Variants in IFT27 observed in about 807,000 individuals in gnomAD.
The protein encoded by IFT27 is intraflagellar transport protein 27 homolog.
IFT27 carries 19 observed loss-of-function variants against 23.9 expected under a neutral mutation model. The ratio of observed to expected loss-of-function variants is 0.79; its 90% CI spans 0.55 to 1.16. The LOEUF is 1.16. Among genes scored for constraint, IFT27 ranks in the 50% most tolerant of loss-of-function variants. The probability of loss-of-function intolerance (pLI) is 0.00; values close to 1 mark genes in which losing one functional copy is unlikely to be tolerated. For missense variants in IFT27, 206 were observed against 228.7 expected (o/e 0.90, Z 0.64); for synonymous variants, 91 against 89.1 (o/e 1.02, Z -0.12).
chr22:36,763,455 A>G, intron 5 of IFT27: 1 of 268,830 alleles, frequency 3.7e-6, no homozygotes, highest in South Asian at 4.7e-5. Context: ...GCTGCAGCTA[A>G]TTTTTGAGCC....
At chr22:36,765,661 G>A (rs1036824491) in intron 4 of IFT27, among the ~76,000 whole-genome samples, 4 of 152,166 alleles carry the variant, frequency 2.6e-5, no homozygotes, top group Admixed American at 6.5e-5. Context: ...CTGGTGGGAC[G>A]GGGGTGGATG....
chr22:36,768,051 C>T, intron 1 of IFT27, 189 bp from the exon 2 acceptor site: 2 of 698,690 alleles, frequency 2.9e-6, no homozygotes, highest in Non-Finnish European at 2.7e-6. Context: ...GCAAACCTCA[C>T]AACAGCCAGA....
At chr22:36,773,697 A>G (rs1938437907) in intron 1 of IFT27, among the ~76,000 whole-genome samples, 1 of 151,374 alleles carries the variant, frequency 6.6e-6, no homozygotes, top group Non-Finnish European at 1.5e-5. Context: ...GAGGAGCACT[A>G]CTTGAGGACA....
chr22:36,769,462 C>A (rs1017678283), intron 1 of IFT27, among the ~76,000 whole-genome samples: 19 of 152,206 alleles, frequency 1.2e-4, no homozygotes, highest in Non-Finnish European at 2.6e-4. Flanking sequence ...TCAAGTGATT[C>A]TCCTGCCTTA....
intron 1 of IFT27, among the ~76,000 whole-genome samples, chr22:36,773,866 A>C (rs1258695213): frequency 6.6e-6 from 1 of 152,160 alleles, no homozygotes; most frequent in Non-Finnish European, 1.5e-5. Flanking sequence ...TGCCAATCCC[A>C]CAGGGTTGCT....
Position 36,758,238 on chromosome 22 carries a change from CCA to C in IFT27, c.*71_*72del. On this transcript the variant is annotated 3_prime_UTR_variant, in exon 7 of 7. Coordinates refer to ENST00000433985, the MANE Select transcript of IFT27 (RefSeq NM_001177701.3). ...CATTTTCTCCTAATTTTATTTAAAG[CCA>C]TCATTATATATTAAAAGAGCAGAGG... is the stretch of plus-strand genomic sequence containing the variant. 8.4e-7 allele frequency: 1 copy of C among 1,194,500 alleles called. No homozygotes were observed. Among genetic ancestry groups the C allele is most frequent in the Non-Finnish European group, 1.2e-6 (1 of 803,930 alleles). 74.0% of individuals were successfully genotyped at this position (1,194,500 alleles called of 1,614,324 possible).
chr22:36,758,459 G>A, intron 6 of IFT27, 50 bp from the exon 7 acceptor site: 2 of 1,378,464 alleles, frequency 1.5e-6, no homozygotes, highest in South Asian at 1.2e-5. Context: ...AAGGGTCAGA[G>A]GGCCAGCTCT....
intron 1 of IFT27, among the ~76,000 whole-genome samples, chr22:36,775,248 G>A (rs1938474783): frequency 2.7e-5 from 2 of 75,106 alleles, no homozygotes; most frequent in Admixed American, 1.2e-4. Context: ...ATCAGAGGGG[G>A]TGAGGTCGGG....
chr22:36,761,700 C>G (rs1344346528), intron 6 of IFT27: 2 of 152,202 alleles, frequency 1.3e-5, no homozygotes, highest in Non-Finnish European at 2.9e-5. Flanking sequence ...GGTGAAATAA[C>G]ATGTCCAGGT....
intron 1 of IFT27, among the ~76,000 whole-genome samples, chr22:36,769,835 G>T (rs1347329044): frequency 2.0e-5 from 3 of 152,062 alleles, no homozygotes; most frequent in Non-Finnish European, 4.4e-5. Flanking sequence ...GCTGGAAGTT[G>T]GCTCCTCCTG....
At chr22:36,764,152 C>T (rs1348228667) in intron 4 of IFT27, 116 bp from the exon 5 acceptor site, 29 of 721,670 alleles carry the variant, frequency 4.0e-5, no homozygotes, top group South Asian at 6.5e-5. Flanking sequence ...AAACAAGAAA[C>T]GAAAACAGCC....
At chr22:36,766,443 A>G (rs1011747429) in intron 3 of IFT27, 3 of 509,220 alleles carry the variant, frequency 5.9e-6, no homozygotes, top group Non-Finnish European at 1.1e-5. Context: ...GTGGAGTCTC[A>G]CCTCTTGTAA....
chr22:36,758,541 C>G, intron 6 of IFT27, 132 bp from the exon 7 acceptor site: 1 of 672,694 alleles, frequency 1.5e-6, no homozygotes, highest in East Asian at 2.7e-5. Context: ...TTCGAGGTAG[C>G]CACTTTCATG....
chr22:36,767,318 C>T lies in IFT27; in HGVS notation c.162G>A (p.Thr54=), dbSNP rs150995999. Reference sequence around the variant, plus strand: ...AGGCATCACTCACCACACTGTCTCCCGTGTCAGGAACTGGCACTGTCTTCA... The same window carrying T: ...AGGCATCACTCACCACACTGTCTCCTGTGTCAGGAACTGGCACTGTCTTCA... ...LVVKTVPVPD[T]GDSVELFIFD... The change falls in exon 3 of 7, where the codon ACG becomes ACA. Residue 54 remains threonine (T), a synonymous_variant. Transcript: ENST00000433985. 1.0e-3 allele frequency: 1,621 copies of T among 1,613,706 alleles called. 2 individuals carry two copies. Among genetic ancestry groups the T allele is most frequent in the Non-Finnish European group, 1.3e-3 (1,478 of 1,179,726 alleles).
In IFT27 at chr22:36,772,807, A is replaced by G. The variant is rs1938415059; in HGVS notation, c.34+2867T>C. 3.0e-6 allele frequency: 3 copies of G among 984,532 alleles called. No individual in the cohort carries two copies. In the African/African-American group the frequency reaches 5.2e-5, roughly 17 times the overall value. 61.0% of individuals were successfully genotyped at this position (984,532 alleles called of 1,614,324 possible). A position where few individuals can be genotyped will look rare whatever the true frequency, so the allele number is the denominator to read the frequency against. On this transcript the variant is annotated intron_variant, in intron 1 of 6. Transcript: ENST00000433985. ...AGAAAAAACAGAGTAACTCAGTTTA[A>G]ACAGTAGGGCTGTGGGTCATGGATG...
chr22:36,765,670 T>C (rs1938227531), intron 4 of IFT27, among the ~76,000 whole-genome samples: 1 of 151,850 alleles, frequency 6.6e-6, no homozygotes, highest in African/African-American at 2.4e-5. Context: ...CGGGGGTGGA[T>C]GGGGCATGGT....
At chr22:36,765,468 A>G (rs546670108) in intron 4 of IFT27, among the ~76,000 whole-genome samples, 15 of 152,040 alleles carry the variant, frequency 9.9e-5, no homozygotes, top group African/African-American at 2.7e-4. Context: ...TGAAATCACT[A>G]TCATTAGATC....
At position 36,767,816 on chromosome 22, in the gene IFT27, A is replaced by T. The variant is rs771317088; in HGVS notation, c.81T>A (p.Ser27Arg). ...AGCTTTTCTGGAAATGGGCTCCATC[A>T]CTGCGGAAGATCTGTGCCAGGGCGG... ...GKTALAQIFR[S>R]DGAHFQKSYT... is the part of the protein sequence containing the mutation. Residue 27 changes from serine (S) to arginine (R), a missense_variant, in exon 2 of 7, where the codon AGT becomes AGA. By Grantham distance (110) the Ser-to-Arg change is moderately radical (BLOSUM62 -1). Coordinates refer to ENST00000433985, the MANE Select transcript of IFT27 (RefSeq NM_001177701.3). 5 of 1,614,204 alleles carry T rather than the reference A, an allele frequency of 3.1e-6. No homozygotes were observed. Among genetic ancestry groups the T allele is most frequent in the Non-Finnish European group, 4.2e-6 (5 of 1,180,022 alleles).
chr22:36,772,002 C>T (rs1011615834), intron 1 of IFT27, among the ~76,000 whole-genome samples: 2 of 152,178 alleles, frequency 1.3e-5, no homozygotes, highest in South Asian at 4.1e-4. Context: ...CATTCCTGTT[C>T]GCCCAGTCCC....
Sources: gnomAD v4.1 joint callset for allele counts (sites outside exome capture counted in the v4.1 genomes callset) on GRCh38, gnomAD v4.1.1 for gene constraint, MANE v1.5 for transcripts, NCBI Gene and HGNC (gene_info 2026-07-23, HGNC 2026-07-21) for gene names.